Variants in FSTL4 observed in about 807,000 individuals in gnomAD.
FSTL4 encodes follistatin like 4.
In FSTL4, 28 loss-of-function variants were observed where a neutral mutation model predicts 78.2. That is an observed-to-expected ratio of 0.36 (90% CI 0.27 to 0.49). The LOEUF (loss-of-function observed/expected upper bound fraction) is 0.49. FSTL4 is among the 20% of genes least tolerant of loss of function. The pLI, the probability that FSTL4 is intolerant of heterozygous loss-of-function variation, is 0.98. For missense variants in FSTL4, 922 were observed against 1,084.9 expected (o/e 0.85, Z 2.11); for synonymous variants, 422 against 440.5 (o/e 0.96, Z 0.53).
chr5:133,799,764 A>C, the FSTL4 span, among the ~76,000 whole-genome samples: 14 of 139,360 alleles, frequency 1.0e-4, 4 homozygotes, highest in Non-Finnish European at 2.3e-4. Context: ...CAACCACAGA[A>C]AAGCCAAAGA....
chr5:133,426,017 G>A lies in FSTL4; in HGVS notation c.161-25031C>T, dbSNP rs1389883634. On this transcript the variant is annotated intron_variant, in intron 3 of 15. Transcript: ENST00000265342. The surrounding 1 kb of genome is among the most constrained non-coding windows in gnomAD (Gnocchi z 5.0). ...AGTGCTGGGGACCCCCCCTGAGCAA[G>A]ACCCTTCTCTCTTGGCCTTGGTCTT... is the stretch of plus-strand genomic sequence containing the variant. 2.0e-5 allele frequency among the ~76,000 whole-genome samples: 3 copies of A among 152,236 alleles called. No homozygotes were observed. The highest frequency in any genetic ancestry group is 4.4e-5 in the Non-Finnish European group (3 of 68,048).
chr5:133,738,415 C>T, the FSTL4 span, among the ~76,000 whole-genome samples: 3 of 152,202 alleles, frequency 2.0e-5, no homozygotes, highest in African/African-American at 4.8e-5. Flanking sequence ...TCCCTCTCCT[C>T]CTGCAACCTG....
At chr5:133,329,376 G>A (rs73788057) in intron 4 of FSTL4, among the ~76,000 whole-genome samples, 3,624 of 151,980 alleles carry the variant, frequency 0.024, 153 homozygotes, top group African/African-American at 0.084. Flanking sequence ...CTCTTAGAGG[G>A]CCAGAACTCA....
chr5:133,422,279 T>C (rs2126988369), intron 3 of FSTL4, among the ~76,000 whole-genome samples: 1 of 152,190 alleles, frequency 6.6e-6, no homozygotes, highest in African/African-American at 2.4e-5. Flanking sequence ...TGGTACGATA[T>C]GATCTATGTT....
rs1019437772 is a variant in FSTL4 at position 133,611,882 on chromosome 5, C to G, written c.-11+443G>C. ...AACCCGGAGCCAAGGGCACCGGGCC[C>G]GGGCCGAGGGGCCGCGCTCGCCTGG... On this transcript the variant is annotated intron_variant, in intron 1 of 15. Transcript: ENST00000265342. The surrounding 1 kb of genome is among the most constrained non-coding windows in gnomAD (Gnocchi z 4.9). Among the ~76,000 whole-genome samples the G allele has an allele frequency of 6.6e-6, 1 of 152,106 alleles. No individual in the cohort carries two copies. Among genetic ancestry groups the G allele is most frequent in the Non-Finnish European group, 1.5e-5 (1 of 67,970 alleles).
chr5:133,701,507 A>ACCCCC, the FSTL4 span, among the ~76,000 whole-genome samples: 1 of 102,706 alleles, frequency 9.7e-6, no homozygotes, highest in Non-Finnish European at 2.1e-5. Flanking sequence ...ACACACACAC[A>ACCCCC]CACCCCACAG....
the FSTL4 span, among the ~76,000 whole-genome samples, chr5:133,718,508 A>G: frequency 1.3e-5 from 2 of 152,194 alleles, no homozygotes; most frequent in Non-Finnish European, 2.9e-5. Flanking sequence ...GAATGTTCCA[A>G]ACTTTAGAGT....
chr5:133,771,132 A>G, the FSTL4 span, among the ~76,000 whole-genome samples: 5 of 152,026 alleles, frequency 3.3e-5, no homozygotes, highest in Non-Finnish European at 7.4e-5. Context: ...ACAGCCTTGT[A>G]ATATAATTTG....
intron 6 of FSTL4, among the ~76,000 whole-genome samples, chr5:133,311,270 G>C (rs1170748336): frequency 2.0e-5 from 3 of 152,126 alleles, no homozygotes; most frequent in South Asian, 2.1e-4. Flanking sequence ...TCCGCAGCAG[G>C]ATAAGCCTAC....
At chr5:133,309,212 T>A (rs1220455591) in intron 6 of FSTL4, among the ~76,000 whole-genome samples, 1 of 150,334 alleles carries the variant, frequency 6.7e-6, no homozygotes, top group African/African-American at 2.5e-5. Flanking sequence ...CAGGGACAGG[T>A]GGCACTACTC....
chr5:133,770,049 C>G, the FSTL4 span, among the ~76,000 whole-genome samples: 1 of 151,972 alleles, frequency 6.6e-6, no homozygotes, highest in Non-Finnish European at 1.5e-5. Context: ...TTTTTGATGG[C>G]TGAGTAGTAT....
chr5:133,642,816 AG>A, the FSTL4 span, among the ~76,000 whole-genome samples: 3 of 152,258 alleles, frequency 2.0e-5, no homozygotes, highest in Non-Finnish European at 4.4e-5. Context: ...GACAAGGTCT[AG>A]TATATGCTTA....
At chr5:133,534,342 T>C (rs1759311065) in intron 3 of FSTL4, among the ~76,000 whole-genome samples, 1 of 152,206 alleles carries the variant, frequency 6.6e-6, no homozygotes, top group Admixed American at 6.5e-5. Context: ...TTCTCTGCCT[T>C]CTAGAATTTG....
Position 133,229,610 on chromosome 5 carries a change from A to G in FSTL4, c.1016-3791T>C, listed in dbSNP as rs187040219. On this transcript the variant is annotated intron_variant, in intron 8 of 15. Coordinates refer to ENST00000265342, the MANE Select transcript of FSTL4 (RefSeq NM_015082.2). The stretch of plus-strand genomic sequence containing the variant: ...TCCAAGAACAGCTGAGGAAATTTTG[A>G]AAAAAGGGAGTGATTGTCATTTTGC... Among the ~76,000 whole-genome samples the G allele has an allele frequency of 1.9e-3, 295 of 152,346 alleles. 7 individuals carry two copies. The highest frequency in any genetic ancestry group is 0.017 in the Admixed American group (267 of 15,306).
chr5:133,399,980 G>A (rs1756177083), intron 4 of FSTL4, among the ~76,000 whole-genome samples: 1 of 152,238 alleles, frequency 6.6e-6, no homozygotes, highest in African/African-American at 2.4e-5. Flanking sequence ...CCCAGGATGT[G>A]CATTCTGACC....
intron 8 of FSTL4, among the ~76,000 whole-genome samples, chr5:133,226,668 C>G (rs1037123574): frequency 2.0e-5 from 3 of 152,182 alleles, no homozygotes; most frequent in Non-Finnish European, 4.4e-5. Flanking sequence ...GTAAACATAC[C>G]TGCATATTAA....
At chr5:133,545,821 A>G (rs568630350) in intron 3 of FSTL4, among the ~76,000 whole-genome samples, 2 of 152,314 alleles carry the variant, frequency 1.3e-5, no homozygotes, top group South Asian at 4.1e-4. Context: ...AAAACTAGGG[A>G]TAGTCTAGAA....
At chr5:133,414,004 T>C (rs73788077) in intron 3 of FSTL4, among the ~76,000 whole-genome samples, 16 of 152,326 alleles carry the variant, frequency 1.1e-4, no homozygotes, top group East Asian at 3.9e-4. Context: ...GGTTCTTACA[T>C]GGCATTCTCC....
At chr5:133,540,977 CCAGCCCGCTCTCA>C (rs1235798097) in intron 3 of FSTL4, among the ~76,000 whole-genome samples, 2 of 152,056 alleles carry the variant, frequency 1.3e-5, no homozygotes, top group Non-Finnish European at 1.5e-5. Flanking sequence ...CAGGACTCTG[CCAGCCCGCTCTCA>C]CAGCCCCTGC....
Sources: allele counts gnomAD v4.1 joint callset (sites outside exome capture counted in the v4.1 genomes callset), GRCh38; gene constraint gnomAD v4.1.1; non-coding constraint Gnocchi (gnomAD v3.1); transcripts MANE v1.5; gene names NCBI Gene and HGNC (gene_info 2026-07-23, HGNC 2026-07-21).